The following XIRP2 variants were observed in gnomAD, a reference collection of about 807,000 sequenced individuals.
XIRP2 encodes the protein xin actin-binding repeat-containing protein 2.
A neutral mutation model predicts 277.0 loss-of-function variants in XIRP2; 236 were observed. That is an observed-to-expected ratio of 0.85 (90% CI 0.77 to 0.95). The LOEUF (loss-of-function observed/expected upper bound fraction) is 0.95, where lower values mean the gene tolerates loss of function less well. Ranked by LOEUF, XIRP2 falls within the 40% of genes least tolerant of loss-of-function variation. XIRP2 has a pLI of 0.00. For missense variants in XIRP2, 4,640 were observed against 4,157.5 expected (o/e 1.12, Z -3.19); for synonymous variants, 1,490 against 1,416.5 (o/e 1.05, Z -1.17).
At chr2:166,890,039 A>G (rs1283651730) in intron 1 of XIRP2, among the ~76,000 whole-genome samples, 1 of 152,018 alleles carries the variant, frequency 6.6e-6, no homozygotes, top group African/African-American at 2.4e-5. Context: ...TCTGTCACCC[A>G]GACTGGAGCA....
chr2:166,937,641 T>A (rs1685559038), intron 2 of XIRP2, among the ~76,000 whole-genome samples: 1 of 152,210 alleles, frequency 6.6e-6, no homozygotes, highest in Admixed American at 6.5e-5. Context: ...CCTCTTTTTC[T>A]ATTGATTGGA....
chr2:167,120,952 A>G (rs1691039490), intron 2 of XIRP2, among the ~76,000 whole-genome samples: 1 of 152,146 alleles, frequency 6.6e-6, no homozygotes. Context: ...TCTTTGGGGT[A>G]GCTACCATGT....
At chr2:166,979,727 A>G (rs1327884842) in intron 2 of XIRP2, among the ~76,000 whole-genome samples, 1 of 152,156 alleles carries the variant, frequency 6.6e-6, no homozygotes, top group Non-Finnish European at 1.5e-5. Flanking sequence ...CATTTTAAAG[A>G]TAAATTATAC....
chr2:167,103,699 A>G (rs1482550507), intron 2 of XIRP2, among the ~76,000 whole-genome samples: 4 of 152,214 alleles, frequency 2.6e-5, no homozygotes, highest in African/African-American at 9.6e-5. Context: ...AGTTATACCT[A>G]AGGAAATACA....
chr2:167,187,553 A>T, intron 3 of XIRP2: 1 of 984,988 alleles, frequency 1.0e-6, no homozygotes, highest in African/African-American at 1.7e-5. Flanking sequence ...ATAGTCATTG[A>T]CTATATGTCT....
At chr2:167,113,499 A>G (rs918443681) in intron 2 of XIRP2, among the ~76,000 whole-genome samples, 1 of 151,946 alleles carries the variant, frequency 6.6e-6, no homozygotes, top group Non-Finnish European at 1.5e-5. Flanking sequence ...TGCTTGGTAG[A>G]TTTTTCTCCA....
At chr2:167,198,994 C>A (rs868833227) in intron 3 of XIRP2, among the ~76,000 whole-genome samples, 1 of 152,178 alleles carries the variant, frequency 6.6e-6, no homozygotes, top group South Asian at 2.1e-4. Flanking sequence ...TTTTCTAAGA[C>A]AAAAATTGGA....
intron 2 of XIRP2, among the ~76,000 whole-genome samples, chr2:167,000,755 A>G (rs545780876): frequency 6.6e-6 from 1 of 152,122 alleles, no homozygotes; most frequent in Non-Finnish European, 1.5e-5. Flanking sequence ...AATTGTTTCA[A>G]ATTTGGACAT....
At chr2:166,982,246 A>G (rs1269880367) in intron 2 of XIRP2, among the ~76,000 whole-genome samples, 1 of 150,214 alleles carries the variant, frequency 6.7e-6, no homozygotes, top group Non-Finnish European at 1.5e-5. Context: ...CAATTTGTCA[A>G]TTTTTTCTAA....
In XIRP2 at chr2:167,245,556, A is replaced by T. The variant is rs773098474; in HGVS notation, c.4164A>T (p.Arg1388Ser). ...AGAAGGGAGATGTTAGTTCTGTCAG[A>T]TACAGATTTGAAACTCAGCCACTGG... ...DIQKGDVSSV[R>S]YRFETQPLDQ... Residue 1388 changes from arginine (R) to serine (S), a missense_variant, in exon 9 of 11, where the codon AGA becomes AGT. Physicochemically the swap from Arg to Ser is moderately radical, Grantham distance 110. Coordinates refer to ENST00000409195, the MANE Select transcript of XIRP2 (RefSeq NM_152381.6). 1 of 1,613,670 alleles carries T rather than the reference A, an allele frequency of 6.2e-7. No homozygotes were observed. Among genetic ancestry groups the T allele is most frequent in the South Asian group, 1.1e-5 (1 of 91,080 alleles).
chr2:166,931,357 T>A (rs894508824), intron 2 of XIRP2, among the ~76,000 whole-genome samples: 2 of 152,158 alleles, frequency 1.3e-5, no homozygotes, highest in African/African-American at 4.8e-5. Context: ...ATATGTCAAT[T>A]GACTCATGTG....
intron 3 of XIRP2, among the ~76,000 whole-genome samples, chr2:167,138,754 A>G (rs1044616125): frequency 1.1e-4 from 16 of 152,290 alleles, no homozygotes; most frequent in African/African-American, 3.6e-4. Context: ...GATTAATTGT[A>G]TTATACTAAT....
At chr2:167,137,911 C>T (rs899703582) in intron 3 of XIRP2, among the ~76,000 whole-genome samples, 1 of 151,994 alleles carries the variant, frequency 6.6e-6, no homozygotes, top group Non-Finnish European at 1.5e-5. Flanking sequence ...TTTCATGGGG[C>T]CCCAAATTTC....
At chr2:167,008,531 G>C (rs375802206) in intron 2 of XIRP2, among the ~76,000 whole-genome samples, 2 of 151,626 alleles carry the variant, frequency 1.3e-5, no homozygotes, top group African/African-American at 2.4e-5. Context: ...TAATAACGGA[G>C]GGCAGCTATG....
chr2:166,927,589 C>T (rs964486501), intron 2 of XIRP2, among the ~76,000 whole-genome samples: 3 of 152,110 alleles, frequency 2.0e-5, no homozygotes, highest in East Asian at 3.9e-4. Context: ...GACTCTGACC[C>T]CCGCTTCTAC....
At chr2:166,987,879 A>C (rs1217253513) in intron 2 of XIRP2, among the ~76,000 whole-genome samples, 1 of 152,350 alleles carries the variant, frequency 6.6e-6, no homozygotes, top group East Asian at 1.9e-4. Context: ...TGCATGATAG[A>C]TATTAACATG....
At chr2:167,054,062 G>A (rs1005879706) in intron 2 of XIRP2, among the ~76,000 whole-genome samples, 1 of 152,168 alleles carries the variant, frequency 6.6e-6, no homozygotes, top group East Asian at 1.9e-4. Flanking sequence ...CACAGTTAAA[G>A]TTGAGAGAGT....
chr2:167,121,967 G>A (rs1691068845), intron 2 of XIRP2, among the ~76,000 whole-genome samples: 1 of 152,126 alleles, frequency 6.6e-6, no homozygotes, highest in South Asian at 2.1e-4. Flanking sequence ...TCAAATAGCA[G>A]CATGTTGTAT....
intron 3 of XIRP2, among the ~76,000 whole-genome samples, chr2:167,150,378 A>G (rs1236597930): frequency 2.0e-5 from 3 of 152,076 alleles, no homozygotes; most frequent in Non-Finnish European, 2.9e-5. Context: ...AGGTCAACCA[A>G]CAGTTCAACA....
Sources: gnomAD v4.1 joint callset for allele counts (sites outside exome capture counted in the v4.1 genomes callset) on GRCh38, gnomAD v4.1.1 for gene constraint, MANE v1.5 for transcripts, NCBI Gene and HGNC (gene_info 2026-07-23, HGNC 2026-07-21) for gene names.